The following RNF125 variants were observed in gnomAD, a reference collection of about 807,000 sequenced individuals.
The protein encoded by RNF125 is E3 ubiquitin-protein ligase RNF125.
A neutral mutation model predicts 26.0 loss-of-function variants in RNF125; 21 were observed. That is an observed-to-expected ratio of 0.81 (90% CI 0.57 to 1.16). RNF125 has a LOEUF of 1.16. Ranked by LOEUF, RNF125 falls within the 50% of genes most tolerant of loss-of-function variation. The pLI is 0.00. For synonymous variants in RNF125, 95 were observed against 109.2 expected, an observed-to-expected ratio of 0.87 and a Z score of 0.81; for missense variants, 270 against 299.4, an observed-to-expected ratio of 0.90 and a Z score of 0.72.
At chr18:32,066,112 T>C in intron 5 of RNF125, 103 bp downstream of exon 5, 1 of 721,356 alleles carries the variant, frequency 1.4e-6, no homozygotes, top group Non-Finnish European at 2.4e-6. Context: ...AATGTGTATA[T>C]AGCTATAGTG....
At chr18:32,033,894 C>G (rs1427642037) in intron 1 of RNF125, among the ~76,000 whole-genome samples, 1 of 151,580 alleles carries the variant, frequency 6.6e-6, no homozygotes, top group Non-Finnish European at 1.5e-5. Context: ...TCTAGACGTT[C>G]TATTAGTGAC....
chr18:32,065,482 C>T (rs1189948607), intron 4 of RNF125, among the ~76,000 whole-genome samples: 3 of 151,952 alleles, frequency 2.0e-5, no homozygotes, highest in African/African-American at 4.8e-5. Flanking sequence ...GTGATCCACC[C>T]GCCTCAACCT....
At chr18:32,038,173 C>T (rs554201061) in intron 2 of RNF125, among the ~76,000 whole-genome samples, 2 of 151,830 alleles carry the variant, frequency 1.3e-5, no homozygotes, top group African/African-American at 4.8e-5. Context: ...CTCAGCTTCC[C>T]GAGTAGCTGG....
At chr18:32,066,662 C>T (rs2039488358) in intron 5 of RNF125, among the ~76,000 whole-genome samples, 1 of 152,166 alleles carries the variant, frequency 6.6e-6, no homozygotes, top group African/African-American at 2.4e-5. Flanking sequence ...CTCGGAAACT[C>T]AGTTTGTGCA....
chr18:32,024,298 G>GTTCAAGCGA (rs59236900), intron 1 of RNF125, among the ~76,000 whole-genome samples: 110,916 of 148,798 alleles, frequency 0.75, 41,708 homozygotes, highest in African/African-American at 0.85. Context: ...TGCCTCCCAG[G>GTTCAAGCGA]TTCTCCTGCC....
chr18:32,067,694 T>G (rs1161844366), intron 5 of RNF125, among the ~76,000 whole-genome samples: 1 of 152,178 alleles, frequency 6.6e-6, no homozygotes, highest in African/African-American at 2.4e-5. Flanking sequence ...TTGGATTTTG[T>G]GGGGGTTTTT....
intron 1 of RNF125, among the ~76,000 whole-genome samples, chr18:32,027,120 A>C (rs975933226): frequency 6.6e-6 from 1 of 152,146 alleles, no homozygotes; most frequent in Admixed American, 6.6e-5. Context: ...TTCCTTCCTG[A>C]GTTAAAGGAT....
chr18:32,077,964 A>T (rs967008108), downstream of RNF125, among the ~76,000 whole-genome samples: 3 of 151,180 alleles, frequency 2.0e-5, no homozygotes, highest in Non-Finnish European at 4.4e-5. Context: ...AATTTTTAAA[A>T]TTTTTTGTAG....
chr18:32,090,338 TG>T, the RNF125 span, among the ~76,000 whole-genome samples: 12 of 152,338 alleles, frequency 7.9e-5, no homozygotes, highest in South Asian at 4.1e-4. Flanking sequence ...GAAAAGCACC[TG>T]AACTACTGCT....
intron 4 of RNF125, among the ~76,000 whole-genome samples, chr18:32,060,274 T>C (rs1598825156): frequency 6.6e-6 from 1 of 152,170 alleles, no homozygotes; most frequent in African/African-American, 2.4e-5. Flanking sequence ...AGATGTCCGG[T>C]CCCTGACACA....
the RNF125 span, among the ~76,000 whole-genome samples, chr18:32,086,425 C>T: frequency 6.6e-6 from 1 of 150,416 alleles, no homozygotes; most frequent in South Asian, 2.1e-4. Flanking sequence ...GATCATGGCT[C>T]ACTGCAGCCT....
rs774835666 is a variant in RNF125, at chr18:32,032,380, AT to A, written c.165-4724del. Among the ~76,000 whole-genome samples, 605 of 139,510 alleles carry A rather than the reference AT, an allele frequency of 4.3e-3. 2 individuals carry two copies. Among genetic ancestry groups the A allele is most frequent in the African/African-American group, 9.7e-3 (375 of 38,718 alleles). 91.5% of individuals were successfully genotyped at this position (139,510 alleles called of 152,430 possible). On this transcript the variant is annotated intron_variant, in intron 1 of 5. Transcript: ENST00000217740. Reference sequence around the variant, plus strand: ...GGCAGAAGCCACCATGCCTGGCTGTATTTTTTTTTTTTAGTAGAGACGGTTT... The same window carrying A: ...GGCAGAAGCCACCATGCCTGGCTGTATTTTTTTTTTTAGTAGAGACGGTTT...
intron 1 of RNF125, among the ~76,000 whole-genome samples, chr18:32,033,523 TC>T (rs766993775): frequency 0.11 from 7,332 of 69,700 alleles, 314 homozygotes; most frequent in African/African-American, 0.23. Flanking sequence ...AGACTCCACC[TC>T]AAAAAAAAAA....
chr18:32,062,199 CCAAAGTATCTAACTT>C (rs545701827), intron 4 of RNF125, among the ~76,000 whole-genome samples: 51 of 152,274 alleles, frequency 3.3e-4, no homozygotes, highest in Non-Finnish European at 6.3e-4. Context: ...GGATTTGAAC[CCAAAGTATCTAACTT>C]CAAAGTATCC....
In RNF125 at chr18:32,067,283, G is replaced by A. The variant is rs1050849314; in HGVS notation, c.613-1015G>A. On this transcript the variant is annotated intron_variant, in intron 5 of 5. Transcript: ENST00000217740. ...GTTTCTCTTTACCTTAGCTCTATGA[G>A]GTGTTCTAAAAGCCAGGTCGATTCT... Among the ~76,000 whole-genome samples, 38 of 152,158 alleles carry A rather than the reference G, an allele frequency of 2.5e-4. 1 individual carries two copies. The highest frequency in any genetic ancestry group is 2.9e-5 in the Non-Finnish European group (2 of 68,020).
chr18:32,025,725 C>T (rs1446976872), intron 1 of RNF125, among the ~76,000 whole-genome samples: 1 of 144,812 alleles, frequency 6.9e-6, no homozygotes, highest in Non-Finnish European at 1.5e-5. Context: ...CGATTGGTGG[C>T]TTTTGTGTTT....
intron 4 of RNF125, among the ~76,000 whole-genome samples, chr18:32,052,426 GAGGTTGC>G (rs2144495740): frequency 6.6e-6 from 1 of 151,830 alleles, no homozygotes; most frequent in East Asian, 1.9e-4. Context: ...CTGGGAGGTG[GAGGTTGC>G]AGTGAGTCAA....
the RNF125 span, among the ~76,000 whole-genome samples, chr18:32,086,355 GTTTTT>G: frequency 7.5e-6 from 1 of 133,684 alleles, no homozygotes; most frequent in South Asian, 2.4e-4. Flanking sequence ...AGATATTTGT[GTTTTT>G]TTTTTTTTTT....
At chr18:32,049,585 T>G (rs2039304428) in intron 4 of RNF125, among the ~76,000 whole-genome samples, 2 of 144,898 alleles carry the variant, frequency 1.4e-5, no homozygotes, top group East Asian at 2.1e-4. Flanking sequence ...GGGGTGGTGG[T>G]GTGAGTCGGG....
Sources: gnomAD v4.1 joint callset for allele counts (sites outside exome capture counted in the v4.1 genomes callset) on GRCh38, gnomAD v4.1.1 for gene constraint, MANE v1.5 for transcripts, NCBI Gene and HGNC (gene_info 2026-07-23, HGNC 2026-07-21) for gene names.